The following WDR93 variants were observed in gnomAD, a reference collection of about 807,000 sequenced individuals.
WDR93 encodes the protein WD repeat-containing protein 93.
A neutral mutation model predicts 82.9 loss-of-function variants in WDR93; 73 were observed. The ratio of observed to expected loss-of-function variants is 0.88; its 90% confidence interval spans 0.73 to 1.07. The LOEUF (loss-of-function observed/expected upper bound fraction) is 1.07, where lower values mean the gene tolerates loss of function less well. Among genes scored for constraint, WDR93 ranks in the 50% least tolerant of loss-of-function variants. WDR93 has a pLI of 0.00. For synonymous variants in WDR93, 283 were observed against 300.1 expected (o/e 0.94, Z 0.59); for missense variants, 738 against 826.0 (o/e 0.89, Z 1.31).
At chr15:89,710,212 A>C (rs1163206743) in intron 4 of WDR93, among the ~76,000 whole-genome samples, 1 of 152,202 alleles carries the variant, frequency 6.6e-6, no homozygotes, top group African/African-American at 2.4e-5. Flanking sequence ...ACAAATAAAA[A>C]TTTGTGGTAG....
intron 11 of WDR93, among the ~76,000 whole-genome samples, chr15:89,731,117 G>T (rs973892130): frequency 6.6e-6 from 1 of 151,956 alleles, no homozygotes; most frequent in Non-Finnish European, 1.5e-5. Flanking sequence ...TATAAAATGG[G>T]GATACTAATA....
intron 3 of WDR93, chr15:89,703,396 C>A (rs1346479937): frequency 1.9e-5 from 10 of 521,010 alleles, no homozygotes; most frequent in Admixed American, 1.0e-4. Context: ...GAAGAGGCAA[C>A]TGACTTATGG....
Position 89,729,675 on chromosome 15 carries a change from C to A in WDR93, c.1124-8C>A. 1.2e-6 allele frequency: 2 copies of A among 1,611,656 alleles called. No homozygotes were observed. Among genetic ancestry groups the A allele is most frequent in the Non-Finnish European group, 1.7e-6 (2 of 1,179,066 alleles). ...CCATTTTCTGTCTTTCCCCCGCCCC[C>A]CCACCAGGAATGGCCTGTGTCCTTG... On this transcript the variant is annotated splice_polypyrimidine_tract_variant and splice_region_variant and intron_variant, in intron 10 of 16. Transcript: ENST00000268130.
chr15:89,691,253 T>C (rs1423886793), intron 1 of WDR93, among the ~76,000 whole-genome samples: 1 of 152,094 alleles, frequency 6.6e-6, no homozygotes, highest in East Asian at 1.9e-4. Context: ...TTATTGAACA[T>C]TGAAAGAAGA....
rs79682507 is a variant in WDR93, at chr15:89,705,303, G to A, written c.497-251G>A. 6.6e-3 allele frequency: 3,303 copies of A among 497,328 alleles called. 105 individuals are homozygous for A. Among genetic ancestry groups the A allele is most frequent in the African/African-American group, 0.059 (2,984 of 50,844 alleles). 30.8% of individuals were successfully genotyped at this position (497,328 alleles called of 1,614,324 possible). A position where few individuals can be genotyped will look rare whatever the true frequency, so the allele number is the denominator to read the frequency against. On this transcript the variant is annotated intron_variant, in intron 3 of 16. Transcript: ENST00000268130. ...GATGGATGTAGCCCATGTCTTACAG[G>A]AGACGTCTGGGAGATGCCGGTGGAG...
intron 1 of WDR93, among the ~76,000 whole-genome samples, chr15:89,692,946 A>G (rs536328466): frequency 6.6e-6 from 1 of 152,056 alleles, no homozygotes; most frequent in East Asian, 1.9e-4. Context: ...CCTTTTTCAC[A>G]ATATCATATA....
Position 89,692,356 on chromosome 15 carries a change from A to T in WDR93, c.-41+1499A>T, listed in dbSNP as rs74462939. ...GCATATCTCCTTGGCCCCATGGGTT[A>T]CTCATTTTTTGTAGAGGAAAGAGCC... On this transcript the variant is annotated intron_variant, in intron 1 of 16. Transcript: ENST00000268130. Among the ~76,000 whole-genome samples the T allele has an allele frequency of 9.5e-3, 1,451 of 152,180 alleles. 29 individuals carry two copies. The highest frequency in any genetic ancestry group is 0.034 in the African/African-American group (1,392 of 41,500).
intron 6 of WDR93, among the ~76,000 whole-genome samples, chr15:89,716,697 T>C (rs1211976321): frequency 6.6e-6 from 1 of 152,218 alleles, no homozygotes; most frequent in Non-Finnish European, 1.5e-5. Context: ...CTATTTCCTG[T>C]TTCCCCACCT....
chr15:89,714,320 T>C (rs2141636368), intron 5 of WDR93: 1 of 152,600 alleles, frequency 6.6e-6, no homozygotes, highest in South Asian at 2.1e-4. Context: ...CACAAATTCA[T>C]GAAGCATTTC....
chr15:89,704,771 C>G (rs1965651306), intron 3 of WDR93: 1 of 152,188 alleles, frequency 6.6e-6, no homozygotes. Context: ...ATATGTATCA[C>G]ACTACATTAT....
In WDR93 at chr15:89,703,222, T is replaced by C. The variant is rs149635547; in HGVS notation, c.496+80T>C. The C allele has an allele frequency of 6.4e-4, 962 of 1,508,308 alleles. 2 individuals are homozygous for C. The African/African-American group carries it at 8.6e-3, about 14-fold the overall frequency. The allele number at this position is 1,508,308 out of a possible 1,614,324, so 93.4% of individuals were successfully genotyped here. On this transcript the variant is annotated intron_variant, in intron 3 of 16. Coordinates refer to ENST00000268130, the MANE Select transcript of WDR93 (RefSeq NM_020212.2). The stretch of plus-strand genomic sequence containing the variant: ...GTCAATTTAATCTCCTTTTGAGGTA[T>C]TGGTGGGGCCAGGCATGGAGACTTC...
intron 1 of WDR93, among the ~76,000 whole-genome samples, chr15:89,695,626 C>T (rs1596061788): frequency 6.6e-6 from 1 of 152,104 alleles, no homozygotes; most frequent in East Asian, 1.9e-4. Context: ...GAAATACAAT[C>T]AGTTTTTGTA....
At position 89,690,847 on chromosome 15, in the gene WDR93, C is replaced by T; in HGVS notation, c.-51C>T. The T allele has an allele frequency of 1.8e-6, 1 of 547,358 alleles. No individual in the cohort carries two copies. The highest frequency in any genetic ancestry group is 2.2e-5 in the South Asian group (1 of 46,140). The allele number at this position is 547,358 out of a possible 1,614,324, so 33.9% of individuals were successfully genotyped here. A position where few individuals can be genotyped will look rare whatever the true frequency, so the allele number is the denominator to read the frequency against. On this transcript the variant is annotated 5_prime_UTR_variant, in exon 1 of 17. Transcript: ENST00000268130. ...TGTGGTTACCAAGGCGACGCAACGCCGCCCGGCCAGGTGAGCAAAACTGAT... is the reference window on the plus strand; with the variant it reads ...TGTGGTTACCAAGGCGACGCAACGCTGCCCGGCCAGGTGAGCAAAACTGAT...
intron 8 of WDR93, among the ~76,000 whole-genome samples, chr15:89,723,544 A>G (rs948342684): frequency 1.3e-5 from 2 of 152,238 alleles, no homozygotes; most frequent in Non-Finnish European, 2.9e-5. Context: ...ATCAATATTT[A>G]TTATAAAGCT....
At chr15:89,707,521 C>T (rs1965773381) in intron 4 of WDR93, among the ~76,000 whole-genome samples, 1 of 152,030 alleles carries the variant, frequency 6.6e-6, no homozygotes, top group African/African-American at 2.4e-5. Context: ...TACACTCCAG[C>T]CTGGGTGACA....
intron 1 of WDR93, among the ~76,000 whole-genome samples, chr15:89,698,169 C>T (rs1209628525): frequency 6.6e-6 from 1 of 152,130 alleles, no homozygotes; most frequent in Non-Finnish European, 1.5e-5. Flanking sequence ...TAGGCATGAA[C>T]CACTGCACCC....
intron 7 of WDR93, 96 bp downstream of exon 7, chr15:89,717,045 C>CTTTTTTTTT (rs11457156): frequency 7.6e-5 from 13 of 172,130 alleles, no homozygotes; most frequent in Admixed American, 1.4e-4. Flanking sequence ...CTTTTTCTTT[C>CTTTTTTTTT]TTTTTTTTTT....
intron 1 of WDR93, among the ~76,000 whole-genome samples, chr15:89,694,244 ATTTC>A (rs1335311942): frequency 9.0e-6 from 1 of 111,652 alleles, no homozygotes; most frequent in Admixed American, 8.7e-5. Flanking sequence ...TTGTTGGGTT[ATTTC>A]TTTTTTTTTT....
intron 1 of WDR93, among the ~76,000 whole-genome samples, chr15:89,699,070 C>T (rs1006969884): frequency 2.9e-4 from 44 of 152,078 alleles, no homozygotes; most frequent in African/African-American, 9.6e-4. Context: ...TTTTGTTGCT[C>T]AGGATGGTCT....
Sources: gnomAD v4.1 joint callset for allele counts (sites outside exome capture counted in the v4.1 genomes callset) on GRCh38, gnomAD v4.1.1 for gene constraint, MANE v1.5 for transcripts, NCBI Gene and HGNC (gene_info 2026-07-23, HGNC 2026-07-21) for gene names.